The following PHTF2 variants were observed in gnomAD, a reference collection of about 807,000 sequenced individuals.
PHTF2 encodes the protein putative homeodomain transcription factor 2, also known as protein PHTF2.
Under a neutral mutation model 101.2 loss-of-function variants are expected in PHTF2, and 60 were observed. The observed-to-expected ratio is 0.59, with a 90% CI of 0.48 to 0.73. The LOEUF is 0.73. Ranked by LOEUF, PHTF2 falls within the 30% of genes least tolerant of loss-of-function variation. The pLI is 0.00. For synonymous variants in PHTF2, 311 were observed against 307.3 expected (o/e 1.01, Z -0.13); for missense variants, 747 against 908.7 (o/e 0.82, Z 2.29).
intron 3 of PHTF2, among the ~76,000 whole-genome samples, chr7:77,867,545 C>T (rs1798165045): frequency 6.6e-6 from 1 of 152,144 alleles, no homozygotes; most frequent in Non-Finnish European, 1.5e-5. Context: ...ATGCTGACTA[C>T]TTATTATTGC....
At chr7:77,834,150 T>TA (rs1443723941) in intron 1 of PHTF2, among the ~76,000 whole-genome samples, 4 of 151,826 alleles carry the variant, frequency 2.6e-5, no homozygotes, top group African/African-American at 9.7e-5. Context: ...TCGTGTCTGC[T>TA]AAAATTAAAA....
At chr7:77,910,788 C>T (rs767295154) in intron 9 of PHTF2, among the ~76,000 whole-genome samples, 3 of 152,000 alleles carry the variant, frequency 2.0e-5, no homozygotes, top group Admixed American at 6.5e-5. Context: ...CTTACAGGCA[C>T]GTGCCACCAC....
At chr7:77,835,484 T>G (rs1795385765) in intron 1 of PHTF2, among the ~76,000 whole-genome samples, 1 of 152,072 alleles carries the variant, frequency 6.6e-6, no homozygotes, top group African/African-American at 2.4e-5. Flanking sequence ...TAATGAGAGA[T>G]GTACATGGTA....
At chr7:77,880,279 T>C (rs552348982) in intron 3 of PHTF2, among the ~76,000 whole-genome samples, 13 of 152,306 alleles carry the variant, frequency 8.5e-5, no homozygotes, top group African/African-American at 3.1e-4. Flanking sequence ...CAAACTAATC[T>C]TTTATTTGTT....
exon 2 of PHTF2, chr7:77,840,226 A>C (rs766167335): frequency 1.3e-6 from 2 of 1,567,226 alleles, no homozygotes; most frequent in Non-Finnish European, 1.8e-6. Flanking sequence ...CACAGCCTAA[A>C]ATGACCAATG....
chr7:77,854,263 G>C (rs1353502791), intron 2 of PHTF2, among the ~76,000 whole-genome samples: 2 of 152,110 alleles, frequency 1.3e-5, no homozygotes. Flanking sequence ...GGATTGTCAG[G>C]GAGAGTCTCT....
chr7:77,884,482 A>G (rs1799661771), intron 3 of PHTF2, among the ~76,000 whole-genome samples: 1 of 152,110 alleles, frequency 6.6e-6, no homozygotes. Flanking sequence ...GTGAGAACTT[A>G]TGGTATTTGA....
rs573510412 is a variant in PHTF2, at chr7:77,853,924, C to T, written c.46-809C>T. On this transcript the variant is annotated intron_variant, in intron 2 of 19. Transcript: ENST00000416283. ...TTCATGGTCTCATACCTTTGTTACT[C>T]GGGAATTGGTCACTGGTGCCTTATT... 7.2e-4 allele frequency among the ~76,000 whole-genome samples: 109 copies of T among 152,154 alleles called. 1 individual carries two copies. Among genetic ancestry groups the T allele is most frequent in the Non-Finnish European group, 8.4e-4 (57 of 68,018 alleles).
At chr7:77,854,584 G>T in intron 2 of PHTF2, 1 of 615,154 alleles carries the variant, frequency 1.6e-6, no homozygotes, top group Non-Finnish European at 3.0e-6. Flanking sequence ...CCCCAGCCCA[G>T]GGCAGGTACA....
At chr7:77,870,319 A>G (rs1798414557) in intron 3 of PHTF2, among the ~76,000 whole-genome samples, 2 of 151,008 alleles carry the variant, frequency 1.3e-5, no homozygotes, top group Non-Finnish European at 2.9e-5. Context: ...AATTATATAT[A>G]TGAGTTTATT....
intron 11 of PHTF2, chr7:77,923,207 T>C: frequency 1.1e-6 from 1 of 914,060 alleles, no homozygotes; most frequent in Non-Finnish European, 1.3e-6. Flanking sequence ...TTTTTCTTTG[T>C]TTCTATTTTT....
At chr7:77,879,300 G>A (rs1247877054) in intron 3 of PHTF2, among the ~76,000 whole-genome samples, 2 of 152,072 alleles carry the variant, frequency 1.3e-5, no homozygotes, top group Middle Eastern at 6.3e-3. Context: ...ATTTTTTGAG[G>A]ACTGAAGGAC....
Position 77,820,531 on chromosome 7 carries a change from C to T in PHTF2, c.-35-19690C>T, listed in dbSNP as rs1001711964. 4.7e-5 allele frequency among the ~76,000 whole-genome samples: 7 copies of T among 149,814 alleles called. 1 individual carries two copies. The highest frequency in any genetic ancestry group is 2.1e-4 in the South Asian group (1 of 4,680). On this transcript the variant is annotated intron_variant, in intron 1 of 19. Coordinates refer to ENST00000416283, the Ensembl canonical transcript of PHTF2. ...CATTCCCAGCTAATGTGTGTGTGTG[C>T]GTGTGTGTGTGTTTGTGTATACGTA...
At chr7:77,823,659 A>G (rs903529723) in intron 1 of PHTF2, among the ~76,000 whole-genome samples, 3 of 152,222 alleles carry the variant, frequency 2.0e-5, no homozygotes, top group Non-Finnish European at 2.9e-5. Context: ...TAGACAAGGA[A>G]TATTACCTGG....
At chr7:77,928,384 A>C (rs775683951) in intron 11 of PHTF2, among the ~76,000 whole-genome samples, 11 of 152,274 alleles carry the variant, frequency 7.2e-5, no homozygotes, top group Non-Finnish European at 1.3e-4. Context: ...AGATTATCTC[A>C]AGAACATGAG....
At position 77,928,537 on chromosome 7, in the gene PHTF2, G is replaced by A. The variant is rs142217792; in HGVS notation, c.1120-572G>A. 7.0e-3 allele frequency among the ~76,000 whole-genome samples: 1,055 copies of A among 151,420 alleles called. 9 individuals are homozygous for A. Among genetic ancestry groups the A allele is most frequent in the Middle Eastern group, 0.021 (6 of 292 alleles). ...AATACAGTCATTCCTGGGTATCCAC[G>A]TGAGATTGGTAGATATCCGGCCCTT... On this transcript the variant is annotated intron_variant, in intron 11 of 19. Coordinates refer to ENST00000416283, the Ensembl canonical transcript of PHTF2.
intron 1 of PHTF2, among the ~76,000 whole-genome samples, chr7:77,836,355 A>AGTT (rs1584444118): frequency 1.3e-5 from 2 of 152,230 alleles, no homozygotes; most frequent in East Asian, 3.9e-4. Context: ...GAAAAAATCC[A>AGTT]CATGTAAGCG....
chr7:77,930,036 C>G (rs1039515224), intron 12 of PHTF2, among the ~76,000 whole-genome samples: 2 of 150,468 alleles, frequency 1.3e-5, no homozygotes, highest in African/African-American at 4.9e-5. Context: ...TCACTGCAAC[C>G]TTCGCCTCCC....
chr7:77,861,672 C>T (rs1797655133), intron 3 of PHTF2, among the ~76,000 whole-genome samples: 1 of 152,154 alleles, frequency 6.6e-6, no homozygotes, highest in Admixed American at 6.5e-5. Flanking sequence ...CCTGTAATTC[C>T]AGCACTTTGG....
Sources: gnomAD v4.1 joint callset for allele counts (sites outside exome capture counted in the v4.1 genomes callset) on GRCh38, gnomAD v4.1.1 for gene constraint, MANE v1.5 for transcripts, NCBI Gene and HGNC (gene_info 2026-07-23, HGNC 2026-07-21) for gene names.